GALNTL6: variants seen among roughly 807,000 people sequenced by gnomAD.
The protein encoded by GALNTL6 is polypeptide N-acetylgalactosaminyltransferase like 6.
A neutral mutation model predicts 73.7 loss-of-function variants in GALNTL6; 46 were observed. The ratio of observed to expected loss-of-function variants is 0.62; its 90% CI spans 0.49 to 0.80. The LOEUF (loss-of-function observed/expected upper bound fraction) is 0.80. GALNTL6 is among the 30% of genes least tolerant of loss of function. The probability of loss-of-function intolerance (pLI) is 0.00; values close to 1 mark genes in which losing one functional copy is unlikely to be tolerated. For missense variants in GALNTL6, 604 were observed against 755.0 expected (o/e 0.80, Z 2.34); for synonymous variants, 259 against 263.7 (o/e 0.98, Z 0.17).
Position 172,970,325 on chromosome 4 carries a change from AT to A in GALNTL6, c.1371+18073del, listed in dbSNP as rs1161570778. On this transcript the variant is annotated intron_variant, in intron 10 of 12. Coordinates refer to ENST00000506823, the MANE Select transcript of GALNTL6 (RefSeq NM_001034845.3). ...CTGACCTCAAATTCACCAGGGCAGG[AT>A]TTTTTCCCCACCCTAATAAGCCTGA... Among the ~76,000 whole-genome samples the A allele has an allele frequency of 4.6e-5, 7 of 152,162 alleles. No individual in the cohort carries two copies. The East Asian group carries it at 1.4e-3, about 29-fold the overall frequency.
chr4:172,409,227 T>C (rs1292929987), intron 5 of GALNTL6, among the ~76,000 whole-genome samples: 6 of 152,050 alleles, frequency 3.9e-5, no homozygotes, highest in Non-Finnish European at 7.4e-5. Context: ...ACTGGTGATT[T>C]ATATCCCAAG....
chr4:172,083,698 A>G (rs35692315), intron 2 of GALNTL6, among the ~76,000 whole-genome samples: 60,952 of 151,744 alleles, frequency 0.4, 12,498 homozygotes, highest in South Asian at 0.54. Flanking sequence ...CTCCTTTTTC[A>G]TCCTCTATGC....
intron 5 of GALNTL6, among the ~76,000 whole-genome samples, chr4:172,449,145 T>C (rs1013717722): frequency 6.6e-6 from 1 of 152,128 alleles, no homozygotes; most frequent in African/African-American, 2.4e-5. Context: ...TAGCCTTGCT[T>C]TTATCCCTCC....
At chr4:172,811,190 C>T (rs1270247549) in intron 6 of GALNTL6, among the ~76,000 whole-genome samples, 4 of 152,108 alleles carry the variant, frequency 2.6e-5, no homozygotes, top group Admixed American at 2.6e-4. Flanking sequence ...TGGGATTATA[C>T]CTGAATTTCA....
At chr4:172,287,642 T>C (rs17222718) in intron 3 of GALNTL6, among the ~76,000 whole-genome samples, 3,714 of 152,286 alleles carry the variant, frequency 0.024, 57 homozygotes, top group Middle Eastern at 0.058. Context: ...CAGCTTATTA[T>C]CCAAAAAGAC....
At chr4:172,730,195 T>C (rs1159393223) in intron 5 of GALNTL6, among the ~76,000 whole-genome samples, 4 of 152,208 alleles carry the variant, frequency 2.6e-5, no homozygotes. Flanking sequence ...TTAGACTTCC[T>C]CCTTTCCAAT....
Position 172,155,384 on chromosome 4 carries a change from AAAG to A in GALNTL6, c.139-74265_139-74263del, listed in dbSNP as rs1734223812. 2.0e-5 allele frequency among the ~76,000 whole-genome samples: 3 copies of A among 152,320 alleles called. No individual in the cohort carries two copies. The East Asian group carries it at 5.8e-4, about 29-fold the overall frequency. On this transcript the variant is annotated intron_variant, in intron 2 of 12. Transcript: ENST00000506823. ...AGTGAGAAGGTGAGGTCCGTGAACGAAAGAAGAAGCCCTCACCAGACATCAGAT... is the reference window on the plus strand; with the variant it reads ...AGTGAGAAGGTGAGGTCCGTGAACGAAAGAAGCCCTCACCAGACATCAGAT...
intron 6 of GALNTL6, among the ~76,000 whole-genome samples, chr4:172,811,210 TA>T (rs1445183912): frequency 6.6e-6 from 1 of 152,200 alleles, no homozygotes; most frequent in Non-Finnish European, 1.5e-5. Context: ...AGTTTCCCAT[TA>T]AGTCTGTTTG....
intron 2 of GALNTL6, among the ~76,000 whole-genome samples, chr4:172,112,441 G>C (rs1014295400): frequency 2.6e-5 from 4 of 151,982 alleles, no homozygotes; most frequent in African/African-American, 7.2e-5. Context: ...CCTATGGTAA[G>C]GGTATGTTTA....
At chr4:172,001,354 T>C (rs1740665587) in intron 2 of GALNTL6, among the ~76,000 whole-genome samples, 1 of 152,184 alleles carries the variant, frequency 6.6e-6, no homozygotes, top group African/African-American at 2.4e-5. Context: ...TCAGGATAGC[T>C]TGATGCAAGG....
At chr4:172,881,067 G>T (rs1473037873) in intron 7 of GALNTL6, among the ~76,000 whole-genome samples, 1 of 152,158 alleles carries the variant, frequency 6.6e-6, no homozygotes, top group Non-Finnish European at 1.5e-5. Flanking sequence ...GAATATGTTT[G>T]TATGACTTGG....
intron 9 of GALNTL6, among the ~76,000 whole-genome samples, chr4:172,941,828 A>G (rs959213350): frequency 6.6e-6 from 1 of 152,218 alleles, no homozygotes. Context: ...CAGGACCCCA[A>G]TCCCACGTCT....
At chr4:172,467,656 T>G (rs1350139878) in intron 5 of GALNTL6, among the ~76,000 whole-genome samples, 1 of 152,152 alleles carries the variant, frequency 6.6e-6, no homozygotes, top group East Asian at 1.9e-4. Context: ...TAGCCCACAT[T>G]TAAGAGGTGG....
Position 172,738,415 on chromosome 4 carries a change from G to A in GALNTL6, c.554-70946G>A, listed in dbSNP as rs571776797. 3.3e-5 allele frequency among the ~76,000 whole-genome samples: 5 copies of A among 152,160 alleles called. No homozygotes were observed. In the East Asian group the frequency reaches 7.7e-4, roughly 24 times the overall value. On this transcript the variant is annotated intron_variant, in intron 5 of 12. Transcript: ENST00000506823. ...ATTTGGACTTTTTGTTGTTGCTGTTGGTGTTTGTTGTAATGGGGAATGAAG... is the reference window on the plus strand; with the variant it reads ...ATTTGGACTTTTTGTTGTTGCTGTTAGTGTTTGTTGTAATGGGGAATGAAG...
chr4:172,782,724 A>C (rs1329854988), intron 5 of GALNTL6, among the ~76,000 whole-genome samples: 2 of 152,126 alleles, frequency 1.3e-5, no homozygotes, highest in African/African-American at 4.8e-5. Context: ...CTGGGTTAAG[A>C]TTAGCCTTCA....
chr4:172,546,266 A>T (rs1735745757), intron 5 of GALNTL6, among the ~76,000 whole-genome samples: 1 of 152,174 alleles, frequency 6.6e-6, no homozygotes, highest in Non-Finnish European at 1.5e-5. Context: ...GGACAGATTT[A>T]CTTATCTATT....
intron 5 of GALNTL6, among the ~76,000 whole-genome samples, chr4:172,771,134 T>C (rs1170067909): frequency 6.6e-6 from 1 of 152,200 alleles, no homozygotes; most frequent in African/African-American, 2.4e-5. Context: ...GGAAGGTTAG[T>C]TGAATTGAGC....
intron 5 of GALNTL6, among the ~76,000 whole-genome samples, chr4:172,789,133 A>C (rs181032799): frequency 6.6e-6 from 1 of 152,282 alleles, no homozygotes; most frequent in Admixed American, 6.5e-5. Flanking sequence ...CAGATCCCAG[A>C]GGTAGAAAGC....
intron 2 of GALNTL6, among the ~76,000 whole-genome samples, chr4:171,833,066 C>T (rs755765783): frequency 6.6e-6 from 1 of 151,640 alleles, no homozygotes; most frequent in Non-Finnish European, 1.5e-5. Flanking sequence ...ACCCTAAGGC[C>T]TGTTTCACGT....
Sources: gnomAD v4.1 joint callset for allele counts (sites outside exome capture counted in the v4.1 genomes callset) on GRCh38, gnomAD v4.1.1 for gene constraint, MANE v1.5 for transcripts, NCBI Gene and HGNC (gene_info 2026-07-23, HGNC 2026-07-21) for gene names.